The following CCDC106 variants were observed in gnomAD, a reference collection of about 807,000 sequenced individuals.
CCDC106 encodes coiled-coil domain containing 106.
Under a neutral mutation model 24.7 loss-of-function variants are expected in CCDC106, and 17 were observed. The observed-to-expected ratio is 0.69, with a 90% CI of 0.47 to 1.03. The LOEUF (loss-of-function observed/expected upper bound fraction) is 1.03, where lower values mean the gene tolerates loss of function less well. Among genes scored for constraint, CCDC106 ranks in the 50% least tolerant of loss-of-function variants. The pLI is 0.00. For synonymous variants in CCDC106, 211 were observed against 161.3 expected (o/e 1.31, Z -2.34); for missense variants, 337 against 388.9 (o/e 0.87, Z 1.12).
At chr19:55,650,743 T>C (rs1208085527) in intron 3 of CCDC106, among the ~76,000 whole-genome samples, 1 of 152,146 alleles carries the variant, frequency 6.6e-6, no homozygotes, top group East Asian at 1.9e-4. Flanking sequence ...GCTTCGGCAC[T>C]TTCCCAGTGG....
In CCDC106 at chr19:55,652,784, C is replaced by A. The variant is rs747156841; in HGVS notation, c.*38C>A. On this transcript the variant is annotated 3_prime_UTR_variant, in exon 5 of 5. Transcript: ENST00000586790. The surrounding 1 kb of genome is among the most constrained non-coding windows in gnomAD (Gnocchi z 5.9). Reference sequence around the variant, plus strand: ...TCCGCGCCTCCACCCGGGCCTTCCTCCCCCGTGGACCCCGGTGGATGACCT... The same window carrying A: ...TCCGCGCCTCCACCCGGGCCTTCCTACCCCGTGGACCCCGGTGGATGACCT... 4 of 1,529,992 alleles carry A rather than the reference C, an allele frequency of 2.6e-6. No homozygotes were observed. The highest frequency in any genetic ancestry group is 2.7e-6 in the Non-Finnish European group (3 of 1,126,668). The allele number at this position is 1,529,992 out of a possible 1,614,324, so 94.8% of individuals were successfully genotyped here. A position where few individuals can be genotyped will look rare whatever the true frequency, so the allele number is the denominator to read the frequency against.
At chr19:55,650,870 G>A (rs1983207507) in intron 3 of CCDC106, among the ~76,000 whole-genome samples, 1 of 152,120 alleles carries the variant, frequency 6.6e-6, no homozygotes, top group South Asian at 2.1e-4. Context: ...CTGGACCCAG[G>A]GCCCCTGATT....
Position 55,649,448 on chromosome 19 carries a change from C to T in CCDC106, c.177C>T (p.Asn59=). 1.2e-6 allele frequency: 2 copies of T among 1,614,162 alleles called. No homozygotes were observed. The highest frequency in any genetic ancestry group is 1.7e-6 in the Non-Finnish European group (2 of 1,180,002). The change falls in exon 3 of 5, where the codon AAC becomes AAT. Residue 59 remains asparagine, a synonymous_variant. Transcript: ENST00000586790. ...EAASSALALM[N]SVKTQLHMAL... Reference sequence around the variant, plus strand: ...CGTCCTCCGCCCTGGCTCTGATGAACAGCGTCAAGACCCAGCTGCACATGG... The same window carrying T: ...CGTCCTCCGCCCTGGCTCTGATGAATAGCGTCAAGACCCAGCTGCACATGG...
At chr19:55,649,952 G>A (rs1351722141) in intron 3 of CCDC106, among the ~76,000 whole-genome samples, 2 of 152,098 alleles carry the variant, frequency 1.3e-5, no homozygotes, top group Non-Finnish European at 2.9e-5. Flanking sequence ...TTGGCCAAGA[G>A]GCCCACCCTA....
At chr19:55,650,055 C>A (rs1004878181) in intron 3 of CCDC106, among the ~76,000 whole-genome samples, 1 of 152,120 alleles carries the variant, frequency 6.6e-6, no homozygotes, top group Non-Finnish European at 1.5e-5. Flanking sequence ...TCCTCCTGTC[C>A]CCCCCTCCCC....
intron 3 of CCDC106, 61 bp from the exon 4 acceptor site, chr19:55,651,222 C>T: frequency 6.1e-6 from 8 of 1,316,488 alleles, no homozygotes; most frequent in Non-Finnish European, 8.8e-6. Flanking sequence ...CTCTCTCAGT[C>T]CCGGGACCTG....
chr19:55,650,313 C>T (rs1046963110), intron 3 of CCDC106, among the ~76,000 whole-genome samples: 1 of 152,216 alleles, frequency 6.6e-6, no homozygotes, highest in African/African-American at 2.4e-5. Context: ...CCAGCCAGTT[C>T]ACAGCTAGCG....
upstream of CCDC106, among the ~76,000 whole-genome samples, chr19:55,647,613 G>A (rs1415116789): frequency 6.6e-6 from 1 of 152,182 alleles, no homozygotes; most frequent in Non-Finnish European, 1.5e-5. Context: ...GGAACAGTCA[G>A]GACTGGAATC....
At position 55,653,041 on chromosome 19, in the gene CCDC106, C is replaced by T. The variant is rs1983449979; in HGVS notation, c.*295C>T. 1.1e-5 allele frequency: 4 copies of T among 353,396 alleles called. No homozygotes were observed. The Admixed American group carries it at 1.4e-4, about 13-fold the overall frequency. The allele number at this position is 353,396 out of a possible 1,614,324, so 21.9% of individuals were successfully genotyped here. A position where few individuals can be genotyped will look rare whatever the true frequency, so the allele number is the denominator to read the frequency against. On this transcript the variant is annotated 3_prime_UTR_variant, in exon 5 of 5. Transcript: ENST00000586790. ...TGGGGGACTGTACAGACCCCGTCTC[C>T]GCCCTGGCCCCGCGGAGGAGCTGCC... is the stretch of plus-strand genomic sequence containing the variant.
intron 3 of CCDC106, 90 bp downstream of exon 3, chr19:55,649,674 C>T: frequency 7.8e-7 from 1 of 1,290,138 alleles, no homozygotes; most frequent in Non-Finnish European, 1.1e-6. Context: ...GTTTGGCTGG[C>T]TGGGTGGGAC....
At chr19:55,650,553 G>A (rs1983177757) in intron 3 of CCDC106, among the ~76,000 whole-genome samples, 1 of 152,134 alleles carries the variant, frequency 6.6e-6, no homozygotes, top group South Asian at 2.1e-4. Context: ...AAAATCCTAG[G>A]CAAGGGGGCT....
At position 55,653,008 on chromosome 19, in the gene CCDC106, C is replaced by G. The variant is rs1350154575; in HGVS notation, c.*262C>G. On this transcript the variant is annotated 3_prime_UTR_variant, in exon 5 of 5. Transcript: ENST00000586790. ...GAAAACCAGGCAGGCGGGTGCCCCC[C>G]CCTCGAGTGGGGGACTGTACAGACC... The G allele has an allele frequency of 2.8e-5, 14 of 493,716 alleles. No homozygotes were observed. Among genetic ancestry groups the G allele is most frequent in the Non-Finnish European group, 4.0e-5 (11 of 276,072 alleles). 30.6% of individuals were successfully genotyped at this position (493,716 alleles called of 1,614,324 possible).
Position 55,652,919 on chromosome 19 carries a change from G to A in CCDC106, c.*173G>A. The A allele has an allele frequency of 3.3e-6, 2 of 599,898 alleles. No homozygotes were observed. Among genetic ancestry groups the A allele is most frequent in the Non-Finnish European group, 5.8e-6 (2 of 344,380 alleles). 37.2% of individuals were successfully genotyped at this position (599,898 alleles called of 1,614,324 possible). On this transcript the variant is annotated 3_prime_UTR_variant, in exon 5 of 5. Transcript: ENST00000586790. This position sits in a 1 kb window ranked among gnomAD's most constrained non-coding sequence, Gnocchi z 5.9. ...CCCGGACCGGCCGCGGCCCCTTCCC[G>A]AACGCCGGCACCCCCTTCCGCTTGG...
chr19:55,652,318 G>C lies in CCDC106; in HGVS notation c.527-112G>C. ...TCTCCGTCTCCACCTGCACCGGCCC[G>C]TGCCTCTGCTCGCCGAGATCCTTTC... On this transcript the variant is annotated intron_variant, in intron 4 of 4. Transcript: ENST00000586790. This position sits in a 1 kb window ranked among gnomAD's most constrained non-coding sequence, Gnocchi z 5.9. The C allele has an allele frequency of 1.1e-6, 1 of 895,334 alleles. No homozygotes were observed. The highest frequency in any genetic ancestry group is 1.7e-6 in the Non-Finnish European group (1 of 581,342). 55.5% of individuals were successfully genotyped at this position (895,334 alleles called of 1,614,324 possible).
chr19:55,651,593 C>G, intron 4 of CCDC106, 98 bp downstream of exon 4: 1 of 852,556 alleles, frequency 1.2e-6, no homozygotes, highest in South Asian at 1.8e-5. Flanking sequence ...GCCCCTCCAG[C>G]CTTGCTGGAG....
At chr19:55,651,594 C>T in intron 4 of CCDC106, 99 bp downstream of exon 4, 1 of 837,470 alleles carries the variant, frequency 1.2e-6, no homozygotes. Flanking sequence ...CCCCTCCAGC[C>T]TTGCTGGAGA....
Position 55,653,007 on chromosome 19 carries a change from C to CA in CCDC106, c.*261_*262insA. Reference sequence around the variant, plus strand: ...GGAAAACCAGGCAGGCGGGTGCCCCCCCCTCGAGTGGGGGACTGTACAGAC... The same window carrying CA: ...GGAAAACCAGGCAGGCGGGTGCCCCCACCCTCGAGTGGGGGACTGTACAGAC... On this transcript the variant is annotated 3_prime_UTR_variant, in exon 5 of 5. Coordinates refer to ENST00000586790, the MANE Select transcript of CCDC106 (RefSeq NM_001370470.1). The CA allele has an allele frequency of 2.0e-6, 1 of 494,148 alleles. No individual in the cohort carries two copies. Among genetic ancestry groups the CA allele is most frequent in the East Asian group, 3.7e-5 (1 of 26,672 alleles). 30.6% of individuals were successfully genotyped at this position (494,148 alleles called of 1,614,324 possible). A position where few individuals can be genotyped will look rare whatever the true frequency, so the allele number is the denominator to read the frequency against.
chr19:55,647,888 A>C (rs1600054248), upstream of CCDC106: 1 of 152,064 alleles, frequency 6.6e-6, no homozygotes, highest in Non-Finnish European at 1.5e-5. Context: ...CCCATTGGGC[A>C]CACCGCCACC....
rs1568543689 is a variant in CCDC106 at position 55,652,788 on chromosome 19, CGTGGACCCCG to C, written c.*48_*57del. On this transcript the variant is annotated 3_prime_UTR_variant, in exon 5 of 5. Coordinates refer to ENST00000586790, the MANE Select transcript of CCDC106 (RefSeq NM_001370470.1). The surrounding 1 kb of genome is among the most constrained non-coding windows in gnomAD (Gnocchi z 5.9). ...CGCCTCCACCCGGGCCTTCCTCCCC[CGTGGACCCCG>C]GTGGATGACCTGCCCCTCTCCCCGC... 6.5e-7 allele frequency: 1 copy of C among 1,529,264 alleles called. No homozygotes were observed. The highest frequency in any genetic ancestry group is 1.8e-5 in the Admixed American group (1 of 56,172). 94.7% of individuals were successfully genotyped at this position (1,529,264 alleles called of 1,614,324 possible).
Sources: allele counts gnomAD v4.1 joint callset (sites outside exome capture counted in the v4.1 genomes callset), GRCh38; gene constraint gnomAD v4.1.1; non-coding constraint Gnocchi (gnomAD v3.1); transcripts MANE v1.5; gene names NCBI Gene and HGNC (gene_info 2026-07-23, HGNC 2026-07-21).